CGA: variants seen among roughly 807,000 people sequenced by gnomAD.
CGA encodes glycoprotein hormones alpha chain.
Under a neutral mutation model 12.0 loss-of-function variants are expected in CGA, and 4 were observed. That is an observed-to-expected ratio of 0.33 (90% CI 0.16 to 0.76). CGA has a LOEUF of 0.76. CGA is among the 30% of genes least tolerant of loss of function. The pLI, the probability that CGA is intolerant of heterozygous loss-of-function variation, is 0.60. For missense variants in CGA, 102 were observed against 143.5 expected (o/e 0.71, Z 1.48); for synonymous variants, 60 against 56.6 (o/e 1.06, Z -0.27).
At chr6:87,094,685 T>A (rs1008051948) in intron 1 of CGA, 2 of 152,218 alleles carry the variant, frequency 1.3e-5, no homozygotes, top group Non-Finnish European at 2.9e-5. Context: ...ACTTGCCCTC[T>A]GTCTGGCTCC....
intron 1 of CGA, among the ~76,000 whole-genome samples, chr6:87,091,270 T>C (rs1339433167): frequency 3.7e-5 from 4 of 107,762 alleles, no homozygotes; most frequent in African/African-American, 1.4e-4. Context: ...ACTATTGCTG[T>C]AGCAGAAACT....
intron 1 of CGA, chr6:87,088,817 C>A (rs1428425626): frequency 6.6e-6 from 1 of 152,158 alleles, no homozygotes; most frequent in Non-Finnish European, 1.5e-5. Flanking sequence ...AATGGTACAG[C>A]CACTCTGGGA....
At chr6:87,091,916 T>C (rs1769439498) in intron 1 of CGA, among the ~76,000 whole-genome samples, 3 of 152,272 alleles carry the variant, frequency 2.0e-5, no homozygotes, top group South Asian at 4.1e-4. Flanking sequence ...TTTCTTTTTA[T>C]TTAAATTAGA....
Position 87,085,627 on chromosome 6 carries a change from C to A in CGA, c.*129G>T. On this transcript the variant is annotated 3_prime_UTR_variant, in exon 4 of 4. Coordinates refer to ENST00000627148, the MANE Select transcript of CGA (RefSeq NM_000735.4). ...GGAAGGCAGTAAAGCTGCAGTATAT[C>A]CTTGAAGCGTGTCAAAGTGGTATGG... 1 of 683,136 alleles carries A rather than the reference C, an allele frequency of 1.5e-6. No individual in the cohort carries two copies. 42.3% of individuals were successfully genotyped at this position (683,136 alleles called of 1,614,324 possible). A position where few individuals can be genotyped will look rare whatever the true frequency, so the allele number is the denominator to read the frequency against.
intron 2 of CGA, among the ~76,000 whole-genome samples, chr6:87,087,047 C>G (rs1769337523): frequency 6.6e-6 from 1 of 152,192 alleles, no homozygotes; most frequent in African/African-American, 2.4e-5. Flanking sequence ...CGATTGCACT[C>G]CAGCCTGGGT....
intron 2 of CGA, chr6:87,086,661 C>T (rs1769330685): frequency 2.2e-6 from 1 of 465,012 alleles, no homozygotes; most frequent in Non-Finnish European, 3.8e-6. Flanking sequence ...TGGTGCACAC[C>T]TGTAGTCCCA....
intron 1 of CGA, among the ~76,000 whole-genome samples, chr6:87,093,547 C>T (rs915357647): frequency 3.9e-5 from 6 of 152,136 alleles, no homozygotes; most frequent in Non-Finnish European, 8.8e-5. Context: ...GGATTCACAA[C>T]CTGTAAAAAT....
In CGA at chr6:87,090,493, A is replaced by T. The variant is rs549867047; in HGVS notation, c.-7-2286T>A. Among the ~76,000 whole-genome samples the T allele has an allele frequency of 2.1e-3, 317 of 152,270 alleles. 1 individual carries two copies. The highest frequency in any genetic ancestry group is 2.7e-3 in the Non-Finnish European group (183 of 68,008). ...TTTTTTTTTGAAAATTGTCATTTTT[A>T]AAAAATAAATATATGTTATATGTGT... On this transcript the variant is annotated intron_variant, in intron 1 of 3. Coordinates refer to ENST00000627148, the MANE Select transcript of CGA (RefSeq NM_000735.4).
chr6:87,092,873 G>C (rs547485056), intron 1 of CGA, among the ~76,000 whole-genome samples: 2 of 150,870 alleles, frequency 1.3e-5, no homozygotes, highest in African/African-American at 4.9e-5. Context: ...TTAGCCTCCC[G>C]GGTAACTGGG....
chr6:87,088,444 A>G (rs1211437741), intron 1 of CGA, among the ~76,000 whole-genome samples: 4 of 152,128 alleles, frequency 2.6e-5, no homozygotes, highest in Non-Finnish European at 5.9e-5. Flanking sequence ...TTAACTGTAG[A>G]AATTGGTTTA....
At position 87,086,406 on chromosome 6, in the gene CGA, G is replaced by A. The variant is rs774683133; in HGVS notation, c.117C>T (p.Asn39=). 53 of 1,612,080 alleles carry A rather than the reference G, an allele frequency of 3.3e-5. No individual in the cohort carries two copies. Among genetic ancestry groups the A allele is most frequent in the Non-Finnish European group, 4.3e-5 (51 of 1,179,424 alleles). Residue 39 remains asparagine, a synonymous_variant, in exon 3 of 4, where the codon AAC becomes AAT. Coordinates refer to ENST00000627148, the MANE Select transcript of CGA (RefSeq NM_000735.4). The part of the protein sequence containing the change: ...QDCPECTLQE[N]PFFSQPGAPI... ...GGGCACCCGGCTGGGAGAAGAATGG[G>A]TTTTCCTGTAGCGTGCATTCTGGGC...
chr6:87,086,412 C>G lies in CGA; in HGVS notation c.111G>C (p.Gln37His). Reference sequence around the variant, plus strand: ...CCGGCTGGGAGAAGAATGGGTTTTCCTGTAGCGTGCATTCTGGGCAATCTA... The same window carrying G: ...CCGGCTGGGAGAAGAATGGGTTTTCGTGTAGCGTGCATTCTGGGCAATCTA... Reference protein sequence around the residue: ...DVQDCPECTLQENPFFSQPGA... With the variant: ...DVQDCPECTLHENPFFSQPGA... The change falls in exon 3 of 4, where the codon CAG (glutamine) becomes CAC (histidine). Residue 37 changes from glutamine (Q) to histidine (H), a missense_variant. Coordinates refer to ENST00000627148, the MANE Select transcript of CGA (RefSeq NM_000735.4). 6.2e-7 allele frequency: 1 copy of G among 1,609,128 alleles called. No individual in the cohort carries two copies. The highest frequency in any genetic ancestry group is 8.5e-7 in the Non-Finnish European group (1 of 1,178,564).
At chr6:87,092,990 G>T (rs1294236523) in intron 1 of CGA, among the ~76,000 whole-genome samples, 1 of 151,978 alleles carries the variant, frequency 6.6e-6, no homozygotes, top group Non-Finnish European at 1.5e-5. Flanking sequence ...TGTTGCCCAG[G>T]CTGATCTTCA....
chr6:87,088,736 T>A (rs562207953), intron 1 of CGA: 107 of 152,122 alleles, frequency 7.0e-4, no homozygotes, highest in African/African-American at 2.6e-3. Context: ...AAATAAAAAA[T>A]AACACCAAAT....
At chr6:87,089,252 A>C (rs1262169243) in intron 1 of CGA, 1 of 152,188 alleles carries the variant, frequency 6.6e-6, no homozygotes, top group Non-Finnish European at 1.5e-5. Flanking sequence ...TATGAGGGTG[A>C]GTATGGCTCT....
At chr6:87,088,572 T>C (rs1454813262) in intron 1 of CGA, among the ~76,000 whole-genome samples, 1 of 152,068 alleles carries the variant, frequency 6.6e-6, no homozygotes, top group Non-Finnish European at 1.5e-5. Context: ...TTAAACTAGA[T>C]AATACCTAAG....
At chr6:87,093,139 A>T (rs1158375525) in intron 1 of CGA, among the ~76,000 whole-genome samples, 1 of 152,118 alleles carries the variant, frequency 6.6e-6, no homozygotes, top group Non-Finnish European at 1.5e-5. Context: ...TCATATATTA[A>T]AAAACTACAC....
At chr6:87,093,851 T>A (rs1769484852) in intron 1 of CGA, among the ~76,000 whole-genome samples, 1 of 152,130 alleles carries the variant, frequency 6.6e-6, no homozygotes, top group Non-Finnish European at 1.5e-5. Context: ...GTAAGGAATA[T>A]GACTCACTTA....
intron 1 of CGA, among the ~76,000 whole-genome samples, chr6:87,093,481 A>G (rs1472126124): frequency 6.6e-6 from 1 of 152,240 alleles, no homozygotes; most frequent in Non-Finnish European, 1.5e-5. Flanking sequence ...CTGCTGTAAC[A>G]TTATATGCCA....
Sources: allele counts gnomAD v4.1 joint callset (sites outside exome capture counted in the v4.1 genomes callset), GRCh38; gene constraint gnomAD v4.1.1; transcripts MANE v1.5; gene names NCBI Gene and HGNC (gene_info 2026-07-23, HGNC 2026-07-21).